Variants in PCCA observed in about 807,000 individuals in gnomAD.
The protein encoded by PCCA is propionyl-CoA carboxylase subunit alpha, also known as propionyl-CoA carboxylase alpha chain, mitochondrial.
Under a neutral mutation model 101.3 loss-of-function variants are expected in PCCA, and 74 were observed. The ratio of observed to expected loss-of-function variants is 0.73; its 90% confidence interval spans 0.61 to 0.89. The LOEUF (loss-of-function observed/expected upper bound fraction) is 0.89, where lower values mean the gene tolerates loss of function less well. PCCA is among the 40% of genes least tolerant of loss of function. PCCA has a pLI of 0.00. For missense variants in PCCA, 891 were observed against 907.0 expected, an observed-to-expected ratio of 0.98 and a Z score of 0.23; for synonymous variants, 294 against 313.6, an observed-to-expected ratio of 0.94 and a Z score of 0.66.
chr13:100,263,962 T>C (rs2062721871), intron 10 of PCCA, among the ~76,000 whole-genome samples: 1 of 151,188 alleles, frequency 6.6e-6, no homozygotes, highest in African/African-American at 2.4e-5. Flanking sequence ...CTGTATGTCA[T>C]ATATACGGTA....
rs2056770514 is a variant in PCCA at position 100,181,437 on chromosome 13, CAG to C, written c.468+24098_468+24099del. Among the ~76,000 whole-genome samples the C allele has an allele frequency of 2.0e-5, 3 of 152,090 alleles. No homozygotes were observed. The South Asian group carries it at 6.2e-4, about 32-fold the overall frequency. ...TCTTTCTTTCTTTCTTCTTTGGAAA[CAG>C]GGTGTTGCTCTGCCGCCTAGCCGGC... On this transcript the variant is annotated intron_variant, in intron 6 of 23. Transcript: ENST00000376285.
At chr13:100,465,979 C>G (rs1277349078) in intron 21 of PCCA, among the ~76,000 whole-genome samples, 1 of 152,166 alleles carries the variant, frequency 6.6e-6, no homozygotes, top group Non-Finnish European at 1.5e-5. Context: ...GATCATGAAC[C>G]AGGTCTACCA....
intron 8 of PCCA, among the ~76,000 whole-genome samples, chr13:100,239,016 T>C (rs2060970072): frequency 6.6e-6 from 1 of 152,184 alleles, no homozygotes; most frequent in Non-Finnish European, 1.5e-5. Context: ...TTTCCTCCTC[T>C]CTCATGTCTT....
intron 8 of PCCA, among the ~76,000 whole-genome samples, chr13:100,251,123 GTAAGTATTATGAT>G (rs1441371089): frequency 1.3e-5 from 2 of 152,136 alleles, no homozygotes; most frequent in Admixed American, 6.5e-5. Flanking sequence ...GGTAGTTTGT[GTAAGTATTATGAT>G]TAAGTATTAT....
At chr13:100,468,643 G>T (rs1168886469) in intron 21 of PCCA, among the ~76,000 whole-genome samples, 1 of 152,106 alleles carries the variant, frequency 6.6e-6, no homozygotes, top group East Asian at 1.9e-4. Context: ...CTCTCATCCT[G>T]TGTAGAATTG....
intron 12 of PCCA, among the ~76,000 whole-genome samples, chr13:100,291,243 A>C (rs1041193704): frequency 1.5e-4 from 23 of 152,206 alleles, no homozygotes; most frequent in African/African-American, 5.3e-4. Flanking sequence ...ATGCCACTGC[A>C]CTGAAGCTGG....
intron 6 of PCCA, among the ~76,000 whole-genome samples, chr13:100,199,509 A>G (rs540093712): frequency 2.0e-4 from 31 of 152,182 alleles, no homozygotes; most frequent in Non-Finnish European, 2.6e-4. Flanking sequence ...TGGCGATGCT[A>G]TAGCTCAGTG....
intron 18 of PCCA, among the ~76,000 whole-genome samples, chr13:100,353,101 T>C (rs1482439889): frequency 6.6e-6 from 1 of 152,166 alleles, no homozygotes; most frequent in Non-Finnish European, 1.5e-5. Flanking sequence ...CTATAACAAG[T>C]ATAAACATAT....
intron 17 of PCCA, among the ~76,000 whole-genome samples, chr13:100,332,565 T>A (rs750307588): frequency 1.3e-5 from 2 of 152,226 alleles, no homozygotes; most frequent in Non-Finnish European, 2.9e-5. Flanking sequence ...TATGTATGTA[T>A]GGTGAAGTAT....
At chr13:100,400,306 C>T (rs924944014) in intron 19 of PCCA, among the ~76,000 whole-genome samples, 1 of 152,154 alleles carries the variant, frequency 6.6e-6, no homozygotes, top group African/African-American at 2.4e-5. Flanking sequence ...TCAATACCTG[C>T]CAGTTCCTTT....
intron 20 of PCCA, among the ~76,000 whole-genome samples, chr13:100,442,071 G>A (rs963731374): frequency 6.7e-6 from 1 of 149,030 alleles, no homozygotes; most frequent in African/African-American, 2.5e-5. Context: ...TCAGCTCACT[G>A]CAACCTCCGC....
In PCCA at chr13:100,455,457, A is replaced by G. The variant is rs551346813; in HGVS notation, c.1899+6152A>G. Among the ~76,000 whole-genome samples the G allele has an allele frequency of 4.6e-5, 7 of 152,310 alleles. No homozygotes were observed. The South Asian group carries it at 1.2e-3, about 27-fold the overall frequency. On this transcript the variant is annotated intron_variant, in intron 21 of 23. Transcript: ENST00000376285. ...TTACGCGTTTTTAAACTTGATATAC[A>G]TAGAATTATATTCTGGAATCATCTG... is the stretch of plus-strand genomic sequence containing the variant.
At chr13:100,138,712 A>T in intron 4 of PCCA, among the ~76,000 whole-genome samples, 1 of 152,072 alleles carries the variant, frequency 6.6e-6, no homozygotes, top group East Asian at 1.9e-4. Context: ...AAGCGGGTGG[A>T]TCACGAGGTC....
intron 17 of PCCA, among the ~76,000 whole-genome samples, chr13:100,335,464 A>G (rs1350962342): frequency 2.6e-5 from 4 of 152,210 alleles, no homozygotes; most frequent in Admixed American, 6.5e-5. Flanking sequence ...GCTCATTACC[A>G]CTGCAGAACC....
At chr13:100,341,319 C>T (rs1566962413) in intron 18 of PCCA, among the ~76,000 whole-genome samples, 1 of 152,194 alleles carries the variant, frequency 6.6e-6, no homozygotes, top group Admixed American at 6.5e-5. Flanking sequence ...CCAATATAAA[C>T]TTCCTGTGAG....
chr13:100,356,416 A>C (rs2073961618), intron 18 of PCCA, among the ~76,000 whole-genome samples: 1 of 152,170 alleles, frequency 6.6e-6, no homozygotes, highest in African/African-American at 2.4e-5. Context: ...TAATAGGACA[A>C]ATGATCCAGT....
At chr13:100,231,872 G>C (rs1428133726) in intron 7 of PCCA, among the ~76,000 whole-genome samples, 5 of 152,156 alleles carry the variant, frequency 3.3e-5, no homozygotes, top group African/African-American at 7.2e-5. Flanking sequence ...ATGCCCGGCT[G>C]TCTGTCCTAC....
intron 7 of PCCA, among the ~76,000 whole-genome samples, chr13:100,226,398 A>G (rs2060144145): frequency 6.6e-6 from 1 of 152,202 alleles, no homozygotes; most frequent in African/African-American, 2.4e-5. Context: ...TCCACAGAAT[A>G]GAAAATTAAG....
At chr13:100,168,161 A>T (rs183927092) in intron 6 of PCCA, among the ~76,000 whole-genome samples, 2 of 152,314 alleles carry the variant, frequency 1.3e-5, no homozygotes, top group East Asian at 3.9e-4. Context: ...AGTTCCACAC[A>T]TAACCATCGT....
Sources: allele counts gnomAD v4.1 joint callset (sites outside exome capture counted in the v4.1 genomes callset), GRCh38; gene constraint gnomAD v4.1.1; transcripts MANE v1.5; gene names NCBI Gene and HGNC (gene_info 2026-07-23, HGNC 2026-07-21).